Variants in PCDHGA7 observed in about 807,000 individuals in gnomAD.
The protein encoded by PCDHGA7 is protocadherin gamma-A7.
A neutral mutation model predicts 58.3 loss-of-function variants in PCDHGA7; 44 were observed. The ratio of observed to expected loss-of-function variants is 0.75; its 90% CI spans 0.59 to 0.97. The LOEUF (loss-of-function observed/expected upper bound fraction) is 0.97. Ranked by LOEUF, PCDHGA7 falls within the 50% of genes least tolerant of loss-of-function variation. The pLI, the probability that PCDHGA7 is intolerant of heterozygous loss-of-function variation, is 0.00. For synonymous variants in PCDHGA7, 516 were observed against 504.2 expected, an observed-to-expected ratio of 1.02 and a Z score of -0.31; for missense variants, 1,266 against 1,188.7, an observed-to-expected ratio of 1.06 and a Z score of -0.96.
chr5:141,508,867 G>A (rs2099872497), intron 3 of PCDHGA7, among the ~76,000 whole-genome samples: 1 of 152,108 alleles, frequency 6.6e-6, no homozygotes. Flanking sequence ...GGGAAAGGCT[G>A]AAGAGGCTGA....
chr5:141,460,498 T>G (rs1028506755), intron 1 of PCDHGA7, among the ~76,000 whole-genome samples: 1 of 152,184 alleles, frequency 6.6e-6, no homozygotes. Context: ...TGGAAAAATA[T>G]GCTGAGAAGG....
At chr5:141,389,161 G>A (rs2091630816) in intron 1 of PCDHGA7, 1 of 1,613,878 alleles carries the variant, frequency 6.2e-7, no homozygotes, top group African/African-American at 1.3e-5. Flanking sequence ...ACAGATCGGG[G>A]CAAGCCTCCC....
At chr5:141,468,409 A>G (rs183146641) in intron 1 of PCDHGA7, 1 of 152,230 alleles carries the variant, frequency 6.6e-6, no homozygotes, top group East Asian at 1.9e-4. Flanking sequence ...AACTAATAAT[A>G]AGTTAGATAG....
intron 1 of PCDHGA7, chr5:141,424,767 A>T (rs139479155): frequency 2.9e-4 from 44 of 152,290 alleles, no homozygotes; most frequent in African/African-American, 1.0e-3. Flanking sequence ...TTCTTATGGC[A>T]AATAGTACAT....
At position 141,491,904 on chromosome 5, in the gene PCDHGA7, G is replaced by C; in HGVS notation, c.2425-2903G>C. The C allele has an allele frequency of 7.0e-7, 1 of 1,423,838 alleles. No individual in the cohort carries two copies. The allele number at this position is 1,423,838 out of a possible 1,614,324, so 88.2% of individuals were successfully genotyped here. ...GGATGGGGCTCCGAGCACCGGGGGT[G>C]GTGGCGACTGTGGGCGAGGGGAGGT... On this transcript the variant is annotated intron_variant, in intron 1 of 3. Coordinates refer to ENST00000518325, the MANE Select transcript of PCDHGA7 (RefSeq NM_018920.4). This position sits in a 1 kb window ranked among gnomAD's most constrained non-coding sequence, Gnocchi z 6.9.
intron 1 of PCDHGA7, among the ~76,000 whole-genome samples, chr5:141,447,098 A>G (rs2098525979): frequency 6.6e-6 from 1 of 151,934 alleles, no homozygotes. Flanking sequence ...TTTCTTTCAC[A>G]TGATTATATG....
rs115607451 is a variant in PCDHGA7, at chr5:141,508,636, A to C, written c.2573-2311A>C. Among the ~76,000 whole-genome samples, 998 of 151,746 alleles carry C rather than the reference A, an allele frequency of 6.6e-3. 12 individuals are homozygous for C. The highest frequency in any genetic ancestry group is 0.023 in the African/African-American group (958 of 41,372). ...ACGTGGGTGGGCCGAGCTTCTAGCT[A>C]CTCCGTCAGGCCCTTCCTGTCATTC... On this transcript the variant is annotated intron_variant, in intron 3 of 3. Transcript: ENST00000518325.
intron 1 of PCDHGA7, among the ~76,000 whole-genome samples, chr5:141,446,430 T>A (rs1468987045): frequency 6.6e-6 from 1 of 152,058 alleles, no homozygotes; most frequent in Non-Finnish European, 1.5e-5. Flanking sequence ...ATTTGAAGGA[T>A]CTGAGAAACA....
chr5:141,452,449 T>G (rs1482580788), intron 1 of PCDHGA7, among the ~76,000 whole-genome samples: 1 of 152,224 alleles, frequency 6.6e-6, no homozygotes, highest in South Asian at 2.1e-4. Flanking sequence ...TTCTAGGCCT[T>G]GTCAGCAGAC....
chr5:141,432,538 G>C lies in PCDHGA7; in HGVS notation c.2424+47215G>C, dbSNP rs200601557. The C allele has an allele frequency of 2.5e-5, 40 of 1,614,026 alleles. No individual in the cohort carries two copies. The highest frequency in any genetic ancestry group is 1.5e-4 in the Admixed American group (9 of 60,032). On this transcript the variant is annotated intron_variant, in intron 1 of 3. Coordinates refer to ENST00000518325, the MANE Select transcript of PCDHGA7 (RefSeq NM_018920.4). This position sits in a 1 kb window ranked among gnomAD's most constrained non-coding sequence, Gnocchi z 6.0. ...GCTACCTGGTGACCAAGGTGGTGGC[G>C]GTGGACAGAGACTCCGGCCAGAACG...
intron 1 of PCDHGA7, chr5:141,433,284 C>T: frequency 8.5e-7 from 1 of 1,176,236 alleles, no homozygotes; most frequent in Non-Finnish European, 1.2e-6. Flanking sequence ...GCCTCAAACT[C>T]CTAGGCTCAA....
Position 141,432,617 on chromosome 5 carries a change from G to T in PCDHGA7, c.2424+47294G>T, listed in dbSNP as rs2097521313. The T allele has an allele frequency of 6.2e-7, 1 of 1,613,578 alleles. No homozygotes were observed. The highest frequency in any genetic ancestry group is 1.3e-5 in the African/African-American group (1 of 74,842). On this transcript the variant is annotated intron_variant, in intron 1 of 3. Coordinates refer to ENST00000518325, the MANE Select transcript of PCDHGA7 (RefSeq NM_018920.4). This position sits in a 1 kb window ranked among gnomAD's most constrained non-coding sequence, Gnocchi z 6.0. ...CAGCGAGCCGGGACTCTTCTCGGTGGGTCTGCACACGGGCGAGGTGCGCAC... is the reference window on the plus strand; with the variant it reads ...CAGCGAGCCGGGACTCTTCTCGGTGTGTCTGCACACGGGCGAGGTGCGCAC...
chr5:141,383,873 C>A lies in PCDHGA7; in HGVS notation c.974C>A (p.Pro325His). 1 of 1,613,928 alleles carries A rather than the reference C, an allele frequency of 6.2e-7. No individual in the cohort carries two copies. The highest frequency in any genetic ancestry group is 8.5e-7 in the Non-Finnish European group (1 of 1,179,880). Residue 325 changes from proline (P) to histidine (H), a missense_variant, in exon 1 of 4, where the codon CCT becomes CAT. By Grantham distance (77) the Pro-to-His change is moderately conservative. Transcript: ENST00000518325. ...ATGGAGGTTCAGGCTCAAGATGGTCCTGGTAGTCTGACAAAGGCAAAAGTA... is the reference window on the plus strand; with the variant it reads ...ATGGAGGTTCAGGCTCAAGATGGTCATGGTAGTCTGACAAAGGCAAAAGTA... ...YEMEVQAQDG[P>H]GSLTKAKVLI... is the part of the protein sequence containing the mutation.
At chr5:141,398,743 A>C (rs770231078) in intron 1 of PCDHGA7, 2 of 1,613,864 alleles carry the variant, frequency 1.2e-6, no homozygotes, top group Admixed American at 3.3e-5. Flanking sequence ...GGAACAACAG[A>C]GTTACCATCG....
chr5:141,398,105 G>A (rs778559832), intron 1 of PCDHGA7: 2 of 1,595,534 alleles, frequency 1.3e-6, no homozygotes, highest in East Asian at 4.5e-5. Context: ...AGGCTGGTGA[G>A]CAAGCTGAGG....
Position 141,491,712 on chromosome 5 carries a change from G to C in PCDHGA7, c.2425-3095G>C. 3.1e-6 allele frequency: 5 copies of C among 1,609,408 alleles called. No individual in the cohort carries two copies. Among genetic ancestry groups the C allele is most frequent in the Middle Eastern group, 1.7e-4 (1 of 6,024 alleles). ...GGGAGCGGAGCCAGGTGAGGGGCTCGGCGCCGCCCCGGGCGACCCCTGGGG... is the reference window on the plus strand; with the variant it reads ...GGGAGCGGAGCCAGGTGAGGGGCTCCGCGCCGCCCCGGGCGACCCCTGGGG... On this transcript the variant is annotated intron_variant, in intron 1 of 3. Transcript: ENST00000518325. The surrounding 1 kb of genome is among the most constrained non-coding windows in gnomAD (Gnocchi z 6.9).
chr5:141,423,929 G>C, intron 1 of PCDHGA7: 1 of 1,236,074 alleles, frequency 8.1e-7, no homozygotes, highest in East Asian at 3.5e-5. Flanking sequence ...TGCTGGTTTG[G>C]TTTGAAGTAA....
At position 141,487,063 on chromosome 5, in the gene PCDHGA7, G is replaced by T; in HGVS notation, c.2425-7744G>T. The T allele has an allele frequency of 6.2e-7, 1 of 1,614,086 alleles. No homozygotes were observed. ...CTCGATATGCTGGGGAGGTGCGGACGGCTGTTCCTATCCCAGCTGACCTCC... is the reference window on the plus strand; with the variant it reads ...CTCGATATGCTGGGGAGGTGCGGACTGCTGTTCCTATCCCAGCTGACCTCC... On this transcript the variant is annotated intron_variant, in intron 1 of 3. Coordinates refer to ENST00000518325, the MANE Select transcript of PCDHGA7 (RefSeq NM_018920.4). The surrounding 1 kb of genome is among the most constrained non-coding windows in gnomAD (Gnocchi z 5.0).
Position 141,489,767 on chromosome 5 carries a change from G to T in PCDHGA7, c.2425-5040G>T, listed in dbSNP as rs2099691977. On this transcript the variant is annotated intron_variant, in intron 1 of 3. Transcript: ENST00000518325. This position sits in a 1 kb window ranked among gnomAD's most constrained non-coding sequence, Gnocchi z 4.5. ...AGCTTTTACACTCTAAGCCCCAACA[G>T]CCACTTCTCTCTGAATGTGAAGACC... The T allele has an allele frequency of 6.2e-7, 1 of 1,614,028 alleles. No homozygotes were observed. Among genetic ancestry groups the T allele is most frequent in the African/African-American group, 1.3e-5 (1 of 74,938 alleles).
Sources: gnomAD v4.1 joint callset for allele counts (sites outside exome capture counted in the v4.1 genomes callset) on GRCh38, gnomAD v4.1.1 for gene constraint, Gnocchi (gnomAD v3.1) non-coding constraint, MANE v1.5 for transcripts, NCBI Gene and HGNC (gene_info 2026-07-23, HGNC 2026-07-21) for gene names.